HOXA2: variants seen among roughly 807,000 people sequenced by gnomAD.
The protein encoded by HOXA2 is homeobox A2.
In HOXA2, 4 loss-of-function variants were observed where a neutral mutation model predicts 27.2. That is an observed-to-expected ratio of 0.15 (90% CI 0.07 to 0.34). The LOEUF (loss-of-function observed/expected upper bound fraction) is 0.34, where lower values mean the gene tolerates loss of function less well. Ranked by LOEUF, HOXA2 falls within the 10% of genes least tolerant of loss-of-function variation. The pLI, the probability that HOXA2 is intolerant of heterozygous loss-of-function variation, is 1.00. For missense variants in HOXA2, 430 were observed against 473.2 expected (o/e 0.91, Z 0.85); for synonymous variants, 200 against 202.8 (o/e 0.99, Z 0.12).
intron 1 of HOXA2, chr7:27,101,730 A>G (rs1562703784): frequency 1.5e-6 from 1 of 659,288 alleles, no homozygotes; most frequent in African/African-American, 1.8e-5. Flanking sequence ...CCACAACACA[A>G]TTTATAATTA....
rs779101719 is a variant in HOXA2, at chr7:27,100,744, C to G, written c.1113G>C (p.Leu371Phe). 3 of 1,614,188 alleles carry G rather than the reference C, an allele frequency of 1.9e-6. No homozygotes were observed. The South Asian group carries it at 3.3e-5, about 18-fold the overall frequency. The change falls in exon 2 of 2, where the codon TTG (leucine) becomes TTC (phenylalanine). Residue 371 changes from leucine to phenylalanine, a missense_variant. Transcript: ENST00000222718. ...AATGTTTTTAGTAATTCAGATGCTGCAAGTCGATTGTGGTGAGTGTGTCTG... is the reference window on the plus strand; with the variant it reads ...AATGTTTTTAGTAATTCAGATGCTGGAAGTCGATTGTGGTGAGTGTGTCTG... ...FFTDTLTTID[L>F]QHLNY
Position 27,100,766 on chromosome 7 carries a change from T to C in HOXA2, c.1091A>G (p.Asp364Gly). Residue 364 changes from aspartate to glycine, a missense_variant, in exon 2 of 2, where the codon GAC becomes GGC. Around this residue, in one of 4 missense-constraint regions of HOXA2, gnomAD observed 236 missense variants for 208.5 expected, o/e 1.13. Transcript: ENST00000222718. ...CTGCAAGTCGATTGTGGTGAGTGTG[T>C]CTGTAAAAAAGTCTAAGCTGTCAGC... ...ISADSLDFFT[D>G]TLTTIDLQHL... 1 of 1,614,242 alleles carries C rather than the reference T, an allele frequency of 6.2e-7. No homozygotes were observed.
rs769835361 is a variant in HOXA2, at chr7:27,102,377, G to A, written c.124C>T (p.Leu42Phe). ...FQSSSIKTST[L>F]SHSTLIPPPF... ...GGAGGAATCAGTGTCGAGTGTGAAAGCGTCGAGGTCTTGATTGATGAACTT... is the reference window on the plus strand; with the variant it reads ...GGAGGAATCAGTGTCGAGTGTGAAAACGTCGAGGTCTTGATTGATGAACTT... The change falls in exon 1 of 2, where the codon CTT (leucine) becomes TTT (phenylalanine). Residue 42 changes from leucine (L) to phenylalanine (F), a missense_variant. By Grantham distance (22) the Leu-to-Phe change is conservative. Transcript: ENST00000222718. This position sits in a 1 kb window ranked among gnomAD's most constrained non-coding sequence, Gnocchi z 4.6. 4 of 1,614,180 alleles carry A rather than the reference G, an allele frequency of 2.5e-6. No homozygotes were observed. Among genetic ancestry groups the A allele is most frequent in the South Asian group, 2.2e-5 (2 of 91,092 alleles).
In HOXA2 at chr7:27,102,102, G is replaced by A; in HGVS notation, c.391+8C>T. On this transcript the variant is annotated splice_region_variant and intron_variant, in intron 1 of 1. Transcript: ENST00000222718. The surrounding 1 kb of genome is among the most constrained non-coding windows in gnomAD (Gnocchi z 4.6). ...CCCAGAGACCTGGGGCCAAGTCTTT[G>A]GACTGACCTTTGTGGCTGAGGCAAG... is the stretch of plus-strand genomic sequence containing the variant. The A allele has an allele frequency of 6.2e-7, 1 of 1,607,388 alleles. No individual in the cohort carries two copies. Among genetic ancestry groups the A allele is most frequent in the Non-Finnish European group, 8.5e-7 (1 of 1,177,756 alleles).
Position 27,101,301 on chromosome 7 carries a change from G to C in HOXA2, c.556C>G (p.Gln186Glu). 1 of 1,614,142 alleles carries C rather than the reference G, an allele frequency of 6.2e-7. No individual in the cohort carries two copies. The highest frequency in any genetic ancestry group is 8.5e-7 in the Non-Finnish European group (1 of 1,180,032). ...CGGTTCTGAAACCACACTTTCACTTGTCTCTCAGTCAAATCCAGCAGCGCT... is the reference window on the plus strand; with the variant it reads ...CGGTTCTGAAACCACACTTTCACTTCTCTCTCAGTCAAATCCAGCAGCGCT... ...IAALLDLTER[Q>E]VKVWFQNRRM... The change falls in exon 2 of 2, where the codon CAA (glutamine) becomes GAA (glutamate). Residue 186 changes from glutamine (Q) to glutamate (E), a missense_variant. Physicochemically the swap from Gln to Glu is conservative, Grantham distance 29 (BLOSUM62 2). This residue lies in a region of HOXA2 where 26 missense variants were observed against 41.0 expected (regional missense o/e 0.63). Transcript: ENST00000222718.
chr7:27,101,986 C>A, intron 1 of HOXA2, 124 bp downstream of exon 1: 3 of 1,408,258 alleles, frequency 2.1e-6, no homozygotes. Context: ...GACAAGGCAA[C>A]CAAGCATCTC....
Position 27,100,393 on chromosome 7 carries a change from C to A in HOXA2, c.*333G>T. On this transcript the variant is annotated 3_prime_UTR_variant, in exon 2 of 2. Transcript: ENST00000222718. ...GAGAATTTATTCTACAAAAAATATG[C>A]ATGACAATGCATCCCAATGTAATAC... is the stretch of plus-strand genomic sequence containing the variant. The A allele has an allele frequency of 4.0e-6, 1 of 249,382 alleles. No homozygotes were observed. Among genetic ancestry groups the A allele is most frequent in the Non-Finnish European group, 7.8e-6 (1 of 127,476 alleles). The allele number at this position is 249,382 out of a possible 1,614,324, so 15.4% of individuals were successfully genotyped here.
At chr7:27,101,597 TAG>T in intron 1 of HOXA2, 132 bp from the exon 2 acceptor site, 1 of 1,039,592 alleles carries the variant, frequency 9.6e-7, no homozygotes, top group Non-Finnish European at 1.4e-6. Flanking sequence ...CTGGATGCAG[TAG>T]AGCTATTGTG....
chr7:27,101,895 TA>T, intron 1 of HOXA2: 2 of 757,910 alleles, frequency 2.6e-6, no homozygotes, highest in Non-Finnish European at 4.6e-6. Context: ...CCCCACTTCC[TA>T]AAAATATATA....
Position 27,102,318 on chromosome 7 carries a change from G to A in HOXA2, c.183C>T (p.Pro61=). 6.2e-7 allele frequency: 1 copy of A among 1,610,068 alleles called. No homozygotes were observed. The highest frequency in any genetic ancestry group is 1.1e-5 in the South Asian group (1 of 90,464). Residue 61 remains proline (P), a synonymous_variant, in exon 1 of 2, where the codon CCC becomes CCT. Coordinates refer to ENST00000222718, the MANE Select transcript of HOXA2 (RefSeq NM_006735.4). The surrounding 1 kb of genome is among the most constrained non-coding windows in gnomAD (Gnocchi z 4.6). The part of the protein sequence containing the change: ...PFEQTIPSLN[P]GSHPRHGAGG... The stretch of plus-strand genomic sequence containing the variant: ...CAGCGCCGTGGCGAGGGTGACTGCC[G>A]GGGTTCAGGCTGGGAATGGTCTGCT...
rs1014696187 is a variant in HOXA2, at chr7:27,102,637, C to A, written c.-137G>T. The A allele has an allele frequency of 1.3e-6, 1 of 789,144 alleles. No homozygotes were observed. The highest frequency in any genetic ancestry group is 2.1e-6 in the Non-Finnish European group (1 of 482,442). 48.9% of individuals were successfully genotyped at this position (789,144 alleles called of 1,614,324 possible). On this transcript the variant is annotated 5_prime_UTR_variant, in exon 1 of 2. Coordinates refer to ENST00000222718, the MANE Select transcript of HOXA2 (RefSeq NM_006735.4). This position sits in a 1 kb window ranked among gnomAD's most constrained non-coding sequence, Gnocchi z 4.6. ...ATATCGCTGCTAGGGTGTTTTTTTTCTAATTCACTGATTACAGCCGTATGG... is the reference window on the plus strand; with the variant it reads ...ATATCGCTGCTAGGGTGTTTTTTTTATAATTCACTGATTACAGCCGTATGG...
At chr7:27,101,731 TTTATAA>T in intron 1 of HOXA2, 1 of 660,332 alleles carries the variant, frequency 1.5e-6, no homozygotes. Flanking sequence ...CACAACACAA[TTTATAA>T]TTAATGCGTC....
Position 27,102,292 on chromosome 7 carries a change from C to T in HOXA2, c.209G>A (p.Gly70Asp). ...NPGSHPRHGA[G>D]GRPKPSPAGS... The stretch of plus-strand genomic sequence containing the variant: ...CGCGGGGCTCGGCTTGGGGCGGCCG[C>T]CAGCGCCGTGGCGAGGGTGACTGCC... Residue 70 changes from glycine to aspartate, a missense_variant, in exon 1 of 2, where the codon GGC becomes GAC. By Grantham distance (94) the Gly-to-Asp change is moderately conservative. Transcript: ENST00000222718. The surrounding 1 kb of genome is among the most constrained non-coding windows in gnomAD (Gnocchi z 4.6). 2 of 1,605,620 alleles carry T rather than the reference C, an allele frequency of 1.2e-6. No individual in the cohort carries two copies. Among genetic ancestry groups the T allele is most frequent in the Non-Finnish European group, 1.7e-6 (2 of 1,176,026 alleles).
rs764398309 is a variant in HOXA2, at chr7:27,101,079, G to C, written c.778C>G (p.Gln260Glu). Residue 260 changes from glutamine to glutamate, a missense_variant, in exon 2 of 2, where the codon CAG (glutamine) becomes GAG (glutamate). Coordinates refer to ENST00000222718, the MANE Select transcript of HOXA2 (RefSeq NM_006735.4). Reference sequence around the variant, plus strand: ...TCGCCATTGTGTCCATTGGGAGCCTGCTGCTGAGAGAGGGCATTTTGCTGA... The same window carrying C: ...TCGCCATTGTGTCCATTGGGAGCCTCCTGCTGAGAGAGGGCATTTTGCTGA... ...TFQQNALSQQ[Q>E]APNGHNGDSQ... 8.1e-6 allele frequency: 13 copies of C among 1,614,116 alleles called. No individual in the cohort carries two copies. In the African/African-American group the frequency reaches 9.3e-5, roughly 12 times the overall value.
chr7:27,102,673 A>T lies in HOXA2; in HGVS notation c.-173T>A, dbSNP rs1783949970. On this transcript the variant is annotated 5_prime_UTR_variant, in exon 1 of 2. Coordinates refer to ENST00000222718, the MANE Select transcript of HOXA2 (RefSeq NM_006735.4). The surrounding 1 kb of genome is among the most constrained non-coding windows in gnomAD (Gnocchi z 4.6). ...ATTACAGCCGTATGGGGACCGCGCT[A>T]CTATTAAACTATTGAATTCATGGAG... 2 of 612,182 alleles carry T rather than the reference A, an allele frequency of 3.3e-6. No individual in the cohort carries two copies. Among genetic ancestry groups the T allele is most frequent in the Admixed American group, 5.6e-5 (2 of 35,538 alleles). 37.9% of individuals were successfully genotyped at this position (612,182 alleles called of 1,614,324 possible).
rs1277266085 is a variant in HOXA2 at position 27,101,350 on chromosome 7, G to A, written c.507C>T (p.Cys169=). The change falls in exon 2 of 2, where the codon TGC becomes TGT. Residue 169 remains cysteine, a synonymous_variant. Transcript: ENST00000222718. ...EKEFHFNKYL[C]RPRRVEIAAL... The stretch of plus-strand genomic sequence containing the variant: ...CTGCAATCTCCACCCTTCGGGGTCT[G>A]CAAAGGTACTTGTTGAAATGAAATT... 1.2e-6 allele frequency: 2 copies of A among 1,613,294 alleles called. No homozygotes were observed. The highest frequency in any genetic ancestry group is 1.7e-6 in the Non-Finnish European group (2 of 1,180,026).
chr7:27,100,889 T>C lies in HOXA2; in HGVS notation c.968A>G (p.Gln323Arg). Residue 323 changes from glutamine to arginine, a missense_variant, in exon 2 of 2, where the codon CAG becomes CGG. Around this residue, in one of 4 missense-constraint regions of HOXA2, gnomAD observed 236 missense variants for 208.5 expected, o/e 1.13. Coordinates refer to ENST00000222718, the MANE Select transcript of HOXA2 (RefSeq NM_006735.4). ...ATCTGTGGAGAAAACGCTAAAGTCC[T>C]GCAAAGAGGGGACCTCAAGGGCCTC... ...SPEALEVPSL[Q>R]DFSVFSTDSC... The C allele has an allele frequency of 6.2e-7, 1 of 1,614,214 alleles. No individual in the cohort carries two copies. The highest frequency in any genetic ancestry group is 8.5e-7 in the Non-Finnish European group (1 of 1,180,040).
Position 27,100,752 on chromosome 7 carries a change from T to C in HOXA2, c.1105A>G (p.Ile369Val), listed in dbSNP as rs911168146. The C allele has an allele frequency of 1.2e-6, 2 of 1,614,172 alleles. No individual in the cohort carries two copies. The highest frequency in any genetic ancestry group is 1.7e-6 in the Non-Finnish European group (2 of 1,180,032). ...LDFFTDTLTTIDLQHLNY is the reference protein window; with the variant it reads ...LDFFTDTLTTVDLQHLNY ...TAGTAATTCAGATGCTGCAAGTCGA[T>C]TGTGGTGAGTGTGTCTGTAAAAAAG... Residue 369 changes from isoleucine to valine, a missense_variant, in exon 2 of 2, where the codon ATC becomes GTC. Physicochemically the swap from Ile to Val is conservative, Grantham distance 29. Transcript: ENST00000222718.
intron 1 of HOXA2, 87 bp from the exon 2 acceptor site, chr7:27,101,552 A>G (rs1783926541): frequency 1.4e-6 from 2 of 1,463,112 alleles, no homozygotes; most frequent in Non-Finnish European, 1.9e-6. Flanking sequence ...GAATAAATAT[A>G]GCAGAAAAGA....
Sources: allele counts gnomAD v4.1 joint callset, GRCh38; gene constraint gnomAD v4.1.1; regional missense constraint gnomAD v4.1.1; non-coding constraint Gnocchi (gnomAD v3.1); transcripts MANE v1.5; gene names NCBI Gene and HGNC (gene_info 2026-07-23, HGNC 2026-07-21).